Variants in WDFY2 observed in about 807,000 individuals in gnomAD.
WDFY2 encodes the protein WD repeat and FYVE domain containing 2, also known as WD repeat and FYVE domain-containing protein 2.
WDFY2 carries 36 observed loss-of-function variants against 56.4 expected under a neutral mutation model. That is an observed-to-expected ratio of 0.64 (90% CI 0.49 to 0.84). The LOEUF is 0.84. Among genes scored for constraint, WDFY2 ranks in the 40% least tolerant of loss-of-function variants. The probability of loss-of-function intolerance (pLI) is 0.00; values close to 1 mark genes in which losing one functional copy is unlikely to be tolerated. For synonymous variants in WDFY2, 176 were observed against 183.7 expected, an observed-to-expected ratio of 0.96 and a Z score of 0.34; for missense variants, 444 against 512.2, an observed-to-expected ratio of 0.87 and a Z score of 1.29.
At chr13:51,685,097 T>C (rs1956039583) in intron 3 of WDFY2, among the ~76,000 whole-genome samples, 1 of 152,156 alleles carries the variant, frequency 6.6e-6, no homozygotes, top group South Asian at 2.1e-4. Flanking sequence ...ATAGATGTTC[T>C]CCTTCACTGA....
intron 1 of WDFY2, chr13:51,589,627 A>G (rs1954007107): frequency 6.6e-6 from 1 of 152,124 alleles, no homozygotes; most frequent in Non-Finnish European, 1.5e-5. Context: ...CATTTGCACA[A>G]TTTTCTTAAG....
intron 4 of WDFY2, among the ~76,000 whole-genome samples, chr13:51,712,907 G>A (rs1304483378): frequency 6.6e-6 from 1 of 152,054 alleles, no homozygotes; most frequent in Admixed American, 6.6e-5. Context: ...AATACAAATT[G>A]TGAAAGATTA....
Position 51,739,085 on chromosome 13 carries a change from G to T in WDFY2, c.635G>T (p.Arg212Leu). 1.2e-6 allele frequency: 2 copies of T among 1,600,656 alleles called. No individual in the cohort carries two copies. Among genetic ancestry groups the T allele is most frequent in the Non-Finnish European group, 1.7e-6 (2 of 1,173,920 alleles). The change falls in exon 7 of 12, where the codon CGG becomes CTG. Residue 212 changes from arginine to leucine, a missense_variant. Coordinates refer to ENST00000298125, the MANE Select transcript of WDFY2 (RefSeq NM_052950.4). ...GCTCTCTGTTGGGACCCAGTCCAGC[G>T]GGTGTTGTTCTCAGGCAGTTCAGAT... ...VTALCWDPVQ[R>L]VLFSGSSDHS...
chr13:51,653,586 C>G (rs1369020487), intron 1 of WDFY2, among the ~76,000 whole-genome samples: 2 of 152,156 alleles, frequency 1.3e-5, no homozygotes, highest in Non-Finnish European at 2.9e-5. Flanking sequence ...TTTTGGTGTG[C>G]ATGTCCTTTC....
At chr13:51,628,081 G>A (rs1954871347) in intron 1 of WDFY2, among the ~76,000 whole-genome samples, 1 of 152,196 alleles carries the variant, frequency 6.6e-6, no homozygotes, top group Non-Finnish European at 1.5e-5. Context: ...CTTGAAGGTG[G>A]GGTTTCACTG....
chr13:51,753,093 T>C (rs558102180), intron 8 of WDFY2: 2 of 152,392 alleles, frequency 1.3e-5, no homozygotes, highest in South Asian at 2.1e-4. Flanking sequence ...GGAGTCATCA[T>C]TGGCTAATGT....
chr13:51,690,233 T>C (rs1956128683), intron 3 of WDFY2, among the ~76,000 whole-genome samples: 4 of 151,254 alleles, frequency 2.6e-5, no homozygotes, highest in Admixed American at 2.6e-4. Context: ...TTAGGGTACA[T>C]GTGCACATTG....
chr13:51,604,321 G>A (rs960816391), intron 1 of WDFY2, among the ~76,000 whole-genome samples: 1 of 152,144 alleles, frequency 6.6e-6, no homozygotes, highest in African/African-American at 2.4e-5. Flanking sequence ...ATTAGCCTCT[G>A]AATGAGTTGA....
intron 3 of WDFY2, among the ~76,000 whole-genome samples, chr13:51,687,922 G>A (rs1376107886): frequency 1.3e-5 from 2 of 152,160 alleles, no homozygotes; most frequent in East Asian, 3.9e-4. Context: ...AAATGATGAC[G>A]GCTGGGGAAA....
intron 2 of WDFY2, among the ~76,000 whole-genome samples, chr13:51,673,137 G>T (rs1461173529): frequency 6.6e-6 from 1 of 152,100 alleles, no homozygotes; most frequent in African/African-American, 2.4e-5. Flanking sequence ...AATTTTTCTT[G>T]AAAGAATAAC....
intron 1 of WDFY2, among the ~76,000 whole-genome samples, chr13:51,630,599 G>A (rs983576765): frequency 6.6e-6 from 1 of 151,284 alleles, no homozygotes; most frequent in African/African-American, 2.4e-5. Flanking sequence ...TCAGATGGGT[G>A]GTATTTTGTT....
intron 4 of WDFY2, among the ~76,000 whole-genome samples, chr13:51,712,019 A>T (rs1164934934): frequency 6.6e-6 from 1 of 152,244 alleles, no homozygotes; most frequent in Non-Finnish European, 1.5e-5. Context: ...TATTCACAAT[A>T]GCAAATACCA....
chr13:51,663,648 T>C (rs1955652327), intron 2 of WDFY2, among the ~76,000 whole-genome samples: 1 of 152,214 alleles, frequency 6.6e-6, no homozygotes, highest in Non-Finnish European at 1.5e-5. Context: ...GGAAATAAGC[T>C]ACATTTCAAT....
rs775491935 is a variant in WDFY2 at position 51,761,826 on chromosome 13, A to C, written c.*2057A>C. Reference sequence around the variant, plus strand: ...GTACATGGAAGCTGTCACTTGAGCCATCAGACCGGCTCAGCCCATGTGACC... The same window carrying C: ...GTACATGGAAGCTGTCACTTGAGCCCTCAGACCGGCTCAGCCCATGTGACC... On this transcript the variant is annotated 3_prime_UTR_variant, in exon 12 of 12. Transcript: ENST00000298125. 2.0e-5 allele frequency: 3 copies of C among 152,172 alleles called. No individual in the cohort carries two copies. The highest frequency in any genetic ancestry group is 4.4e-5 in the Non-Finnish European group (3 of 68,044). The allele number at this position is 152,172 out of a possible 1,614,324, so 9.4% of individuals were successfully genotyped here. A position where few individuals can be genotyped will look rare whatever the true frequency, so the allele number is the denominator to read the frequency against.
intron 1 of WDFY2, among the ~76,000 whole-genome samples, chr13:51,596,285 A>G (rs1474370805): frequency 1.3e-5 from 2 of 152,252 alleles, no homozygotes; most frequent in African/African-American, 4.8e-5. Flanking sequence ...GTTAATCTGC[A>G]TGCATAGTTA....
chr13:51,710,290 AAAT>A (rs1303529740), intron 4 of WDFY2, among the ~76,000 whole-genome samples: 13 of 152,204 alleles, frequency 8.5e-5, no homozygotes, highest in Non-Finnish European at 1.6e-4. Context: ...ACGTATCTCA[AAAT>A]AATAAGAGCT....
chr13:51,646,522 CTG>C (rs1043130260), intron 1 of WDFY2, among the ~76,000 whole-genome samples: 3 of 152,226 alleles, frequency 2.0e-5, no homozygotes, highest in Admixed American at 6.5e-5. Context: ...CTGTCTCCCC[CTG>C]TGAGCTTCCT....
intron 1 of WDFY2, among the ~76,000 whole-genome samples, chr13:51,657,470 A>T (rs1486346173): frequency 2.0e-5 from 3 of 152,118 alleles, no homozygotes; most frequent in Non-Finnish European, 4.4e-5. Context: ...ATCTACTAGT[A>T]ATGAATTTCA....
chr13:51,732,418 C>G (rs2138668558), intron 6 of WDFY2, among the ~76,000 whole-genome samples: 1 of 152,228 alleles, frequency 6.6e-6, no homozygotes, highest in Non-Finnish European at 1.5e-5. Flanking sequence ...CCGTACGTGG[C>G]CAAAAATCAT....
Sources: gnomAD v4.1 joint callset for allele counts (sites outside exome capture counted in the v4.1 genomes callset) on GRCh38, gnomAD v4.1.1 for gene constraint, MANE v1.5 for transcripts, NCBI Gene and HGNC (gene_info 2026-07-23, HGNC 2026-07-21) for gene names.